Variants in IGLL5 observed in about 807,000 individuals in gnomAD.
The protein encoded by IGLL5 is immunoglobulin lambda-like polypeptide 5.
A neutral mutation model predicts 20.9 loss-of-function variants in IGLL5; 30 were observed. The observed-to-expected ratio is 1.44, with a 90% CI of 1.07 to 1.95. The LOEUF is 1.95. Among genes scored for constraint, IGLL5 ranks in the 30% most tolerant of loss-of-function variants. The probability of loss-of-function intolerance (pLI) is 0.00; values close to 1 mark genes in which losing one functional copy is unlikely to be tolerated. For synonymous variants in IGLL5, 203 were observed against 117.3 expected, an observed-to-expected ratio of 1.73 and a Z score of -4.72; for missense variants, 475 against 270.7, an observed-to-expected ratio of 1.75 and a Z score of -5.30.
intron 1 of IGLL5, among the ~76,000 whole-genome samples, chr22:22,888,852 A>G (rs529831866): frequency 7.3e-5 from 11 of 151,336 alleles, no homozygotes; most frequent in Middle Eastern, 3.7e-3. Context: ...GTTTGGAGCA[A>G]TAAAGGGAGA....
chr22:22,894,854 G>C (rs190839110), intron 2 of IGLL5, among the ~76,000 whole-genome samples: 1 of 151,412 alleles, frequency 6.6e-6, no homozygotes, highest in Admixed American at 6.6e-5. Flanking sequence ...CTGGGCTGGG[G>C]CAGAGCCCGG....
chr22:22,888,260 G>A lies in IGLL5; in HGVS notation c.206+1G>A, dbSNP rs769556163. On this transcript the variant is annotated splice_donor_variant, in intron 1 of 2. Coordinates refer to ENST00000526893, the MANE Select transcript of IGLL5 (RefSeq NM_001178126.2). LOFTEE classifies it high-confidence loss of function. The stretch of plus-strand genomic sequence containing the variant: ...CCAGCCTGCGGAGCCTGTGGGGCAG[G>A]TAAGGGGCAAGAGATTCCAGGGGAT... 1.4e-5 allele frequency: 21 copies of A among 1,547,190 alleles called. 1 individual carries two copies. The highest frequency in any genetic ancestry group is 4.9e-5 in the East Asian group (2 of 40,612).
rs746116768 is a variant in IGLL5, at chr22:22,895,971, C to A, written c.*277C>A. Reference sequence around the variant, plus strand: ...CTCACAGCCTCCCTGAGTCATCTCCCCAGAGGGTCCTTCCTCTCCCAGTCA... The same window carrying A: ...CTCACAGCCTCCCTGAGTCATCTCCACAGAGGGTCCTTCCTCTCCCAGTCA... On this transcript the variant is annotated 3_prime_UTR_variant, in exon 3 of 3. Transcript: ENST00000526893. The A allele has an allele frequency of 2.1e-5, 12 of 569,410 alleles. No individual in the cohort carries two copies. The highest frequency in any genetic ancestry group is 4.1e-5 in the South Asian group (2 of 48,932). The allele number at this position is 569,410 out of a possible 1,614,324, so 35.3% of individuals were successfully genotyped here. A position where few individuals can be genotyped will look rare whatever the true frequency, so the allele number is the denominator to read the frequency against.
chr22:22,895,316 G>T, intron 2 of IGLL5, 59 bp from the exon 3 acceptor site: 1 of 1,480,892 alleles, frequency 6.8e-7, no homozygotes, highest in East Asian at 2.3e-5. Context: ...AGAGAGAGGG[G>T]CTCCACAACA....
rs1483876321 is a variant in IGLL5 at position 22,895,746 on chromosome 22, G to T, written c.*52G>T. On this transcript the variant is annotated 3_prime_UTR_variant, in exon 3 of 3. Transcript: ENST00000526893. ...GAGCCTGGAGCTGCAGGATCCCAGG[G>T]GAGGGGTCTCTCTCCCCATCCCAAG... 1.3e-5 allele frequency: 21 copies of T among 1,576,208 alleles called. No homozygotes were observed. Among genetic ancestry groups the T allele is most frequent in the Non-Finnish European group, 1.7e-5 (20 of 1,146,586 alleles).
At chr22:22,889,522 A>G (rs2067728857) in intron 1 of IGLL5, among the ~76,000 whole-genome samples, 1 of 151,350 alleles carries the variant, frequency 6.6e-6, no homozygotes, top group Admixed American at 6.6e-5. Flanking sequence ...TAGTGATGGG[A>G]GAAAACTGGA....
At chr22:22,889,056 A>G (rs2067680617) in intron 1 of IGLL5, among the ~76,000 whole-genome samples, 1 of 151,408 alleles carries the variant, frequency 6.6e-6, no homozygotes, top group South Asian at 2.1e-4. Context: ...GTCCAGGACG[A>G]GTCCTTGGAT....
At chr22:22,889,431 A>G (rs2067718354) in intron 1 of IGLL5, among the ~76,000 whole-genome samples, 1 of 151,268 alleles carries the variant, frequency 6.6e-6, no homozygotes, top group Non-Finnish European at 1.5e-5. Context: ...CACTTCTAGG[A>G]ATTTATCCTA....
At chr22:22,894,912 C>G (rs2066707663) in intron 2 of IGLL5, among the ~76,000 whole-genome samples, 1 of 151,386 alleles carries the variant, frequency 6.6e-6, no homozygotes, top group African/African-American at 2.4e-5. Context: ...CTTGGGTCTC[C>G]CCACACACTG....
intron 2 of IGLL5, among the ~76,000 whole-genome samples, chr22:22,894,051 G>C (rs1262349574): frequency 1.3e-5 from 2 of 151,518 alleles, no homozygotes; most frequent in African/African-American, 2.4e-5. Context: ...CTGGGATTGG[G>C]CAGGGTCAGG....
At chr22:22,894,508 G>T (rs1601626928) in intron 2 of IGLL5, among the ~76,000 whole-genome samples, 1 of 151,514 alleles carries the variant, frequency 6.6e-6, no homozygotes, top group East Asian at 2.0e-4. Context: ...TCTGTCCCTG[G>T]AGCCCCGTCA....
Position 22,894,888 on chromosome 22 carries a change from C to T in IGLL5, c.326-487C>T, listed in dbSNP as rs1228575387. Reference sequence around the variant, plus strand: ...GGTGCCTGTGAGGGATAGGAAGCTCCAGTTCAAAGCAGGCTTGGGTCTCCC... The same window carrying T: ...GGTGCCTGTGAGGGATAGGAAGCTCTAGTTCAAAGCAGGCTTGGGTCTCCC... On this transcript the variant is annotated intron_variant, in intron 2 of 2. Coordinates refer to ENST00000526893, the MANE Select transcript of IGLL5 (RefSeq NM_001178126.2). Among the ~76,000 whole-genome samples, 10 of 151,420 alleles carry T rather than the reference C, an allele frequency of 6.6e-5. 1 individual carries two copies. Among genetic ancestry groups the T allele is most frequent in the East Asian group, 2.0e-4 (1 of 4,920 alleles).
chr22:22,888,679 C>G (rs1266772984), intron 1 of IGLL5, among the ~76,000 whole-genome samples: 1 of 151,356 alleles, frequency 6.6e-6, no homozygotes, highest in East Asian at 2.0e-4. Flanking sequence ...AGGGCAGGGG[C>G]CACTCCCTGG....
In IGLL5 at chr22:22,887,991, C is replaced by A; in HGVS notation, c.-63C>A. 7.6e-7 allele frequency: 1 copy of A among 1,324,230 alleles called. No individual in the cohort carries two copies. The highest frequency in any genetic ancestry group is 2.5e-5 in the East Asian group (1 of 39,612). 82.0% of individuals were successfully genotyped at this position (1,324,230 alleles called of 1,614,324 possible). On this transcript the variant is annotated 5_prime_UTR_variant, in exon 1 of 3. Coordinates refer to ENST00000526893, the MANE Select transcript of IGLL5 (RefSeq NM_001178126.2). ...GCCCTGCTGGCGAGAGGGACCAGGGCACCGTCCTCCAGGGAGCCCATGCTG... is the reference window on the plus strand; with the variant it reads ...GCCCTGCTGGCGAGAGGGACCAGGGAACCGTCCTCCAGGGAGCCCATGCTG...
At chr22:22,895,229 A>T in intron 2 of IGLL5, 146 bp from the exon 3 acceptor site, 2 of 749,142 alleles carry the variant, frequency 2.7e-6, no homozygotes, top group Non-Finnish European at 2.3e-6. Flanking sequence ...CATGAGTGGA[A>T]AGGATGGGGA....
At chr22:22,888,390 T>G (rs1050549450) in intron 1 of IGLL5, 131 bp downstream of exon 1, 3 of 709,602 alleles carry the variant, frequency 4.2e-6, no homozygotes, top group Admixed American at 2.9e-5. Context: ...TGACACTGGC[T>G]TTAGTAATGG....
At chr22:22,894,713 C>T (rs2066686702) in intron 2 of IGLL5, among the ~76,000 whole-genome samples, 3 of 151,382 alleles carry the variant, frequency 2.0e-5, no homozygotes, top group Middle Eastern at 3.7e-3. Flanking sequence ...TCTGTGGGAG[C>T]AGCCCCAGGA....
chr22:22,895,233 A>C (rs2066733662), intron 2 of IGLL5, 142 bp from the exon 3 acceptor site: 2 of 760,182 alleles, frequency 2.6e-6, no homozygotes, highest in South Asian at 1.7e-5. Context: ...AGTGGAAAGG[A>C]TGGGGAAAGA....
intron 1 of IGLL5, among the ~76,000 whole-genome samples, chr22:22,890,727 C>T (rs982837126): frequency 5.3e-5 from 8 of 150,742 alleles, no homozygotes; most frequent in African/African-American, 1.7e-4. Flanking sequence ...CCACTCACTC[C>T]GGTGAATGGT....
Sources: allele counts gnomAD v4.1 joint callset (sites outside exome capture counted in the v4.1 genomes callset), GRCh38; gene constraint gnomAD v4.1.1; transcripts MANE v1.5; gene names NCBI Gene and HGNC (gene_info 2026-07-23, HGNC 2026-07-21).